The following CSGALNACT1 variants were observed in gnomAD, a reference collection of about 807,000 sequenced individuals.
CSGALNACT1 encodes the protein beta4GalNAcT-1.
Under a neutral mutation model 51.0 loss-of-function variants are expected in CSGALNACT1, and 52 were observed. That is an observed-to-expected ratio of 1.02 (90% CI 0.82 to 1.29). The LOEUF (loss-of-function observed/expected upper bound fraction) is 1.29. CSGALNACT1 is among the 50% of genes most tolerant of loss of function. The probability of loss-of-function intolerance (pLI) is 0.00; values close to 1 mark genes in which losing one functional copy is unlikely to be tolerated. For missense variants in CSGALNACT1, 935 were observed against 679.2 expected (o/e 1.38, Z -4.19); for synonymous variants, 341 against 254.4 (o/e 1.34, Z -3.24).
chr8:19,596,129 G>A (rs985252085), intron 2 of CSGALNACT1, among the ~76,000 whole-genome samples: 1 of 152,068 alleles, frequency 6.6e-6, no homozygotes, highest in Non-Finnish European at 1.5e-5. Context: ...TGGCCTTCCA[G>A]AGTGTTGAGA....
At chr8:19,546,498 C>T (rs1021049849) in intron 3 of CSGALNACT1, among the ~76,000 whole-genome samples, 15 of 152,120 alleles carry the variant, frequency 9.9e-5, no homozygotes, top group African/African-American at 3.4e-4. Context: ...AGGGAAGTAT[C>T]ACTAAGAATT....
At chr8:19,620,741 T>A (rs2053714555) in intron 1 of CSGALNACT1, among the ~76,000 whole-genome samples, 1 of 152,222 alleles carries the variant, frequency 6.6e-6, no homozygotes, top group South Asian at 2.1e-4. Flanking sequence ...ACCCCTTTTT[T>A]AAATTTTAAA....
intron 1 of CSGALNACT1, among the ~76,000 whole-genome samples, chr8:19,681,060 C>T (rs1050387479): frequency 3.9e-5 from 6 of 152,100 alleles, no homozygotes; most frequent in Non-Finnish European, 1.5e-5. Flanking sequence ...GGGACTTGGG[C>T]ATCCAGATTT....
At chr8:19,638,609 C>A (rs557948160) in intron 1 of CSGALNACT1, among the ~76,000 whole-genome samples, 2 of 151,884 alleles carry the variant, frequency 1.3e-5, no homozygotes, top group African/African-American at 4.8e-5. Context: ...TAAATAAAAT[C>A]GAAATGCACA....
At chr8:19,754,985 T>G (rs1407817244) in intron 1 of CSGALNACT1, among the ~76,000 whole-genome samples, 1 of 152,194 alleles carries the variant, frequency 6.6e-6, no homozygotes, top group East Asian at 1.9e-4. Flanking sequence ...TCAAGGTCCT[T>G]TCATCAGGAA....
At position 19,632,429 on chromosome 8, in the gene CSGALNACT1, C is replaced by A. The variant is rs1424359896; in HGVS notation, c.-543-30564G>T. ...GTCCATAATTAGGTGGCAAAGATGC[C>A]TAGAAAGTCTTCCAAACCAAATGGC... On this transcript the variant is annotated intron_variant, in intron 1 of 9. Transcript: ENST00000332246. Among the ~76,000 whole-genome samples the A allele has an allele frequency of 3.3e-5, 5 of 152,348 alleles. No homozygotes were observed. The East Asian group carries it at 9.6e-4, about 29-fold the overall frequency.
chr8:19,457,852 G>T, intron 5 of CSGALNACT1: 2 of 1,324,912 alleles, frequency 1.5e-6, no homozygotes, highest in Non-Finnish European at 1.0e-6. Flanking sequence ...TCATTGAGTA[G>T]CTACAAAAAT....
intron 3 of CSGALNACT1, among the ~76,000 whole-genome samples, chr8:19,577,388 G>A (rs1393873214): frequency 1.1e-4 from 15 of 135,736 alleles, no homozygotes; most frequent in Admixed American, 4.2e-4. Context: ...AACGAAGCCC[G>A]ACCCCACCTC....
At position 19,666,879 on chromosome 8, in the gene CSGALNACT1, A is replaced by G. The variant is rs1240728509; in HGVS notation, c.-544+15594T>C. Among the ~76,000 whole-genome samples the G allele has an allele frequency of 8.2e-4, 92 of 112,280 alleles. 1 individual carries two copies. The highest frequency in any genetic ancestry group is 1.5e-3 in the African/African-American group (39 of 26,838). 73.7% of individuals were successfully genotyped at this position (112,280 alleles called of 152,430 possible). On this transcript the variant is annotated intron_variant, in intron 1 of 9. Coordinates refer to the CSGALNACT1 transcript ENST00000332246. ...AAAGAAAGAAAGAAAGAAAGAAAGA[A>G]AGAAAGAGAGAGAGGAAGTGAGGAA...
In CSGALNACT1 at chr8:19,472,322, A is replaced by T. The variant is rs1045838726; in HGVS notation, c.635-13680T>A. Among the ~76,000 whole-genome samples the T allele has an allele frequency of 1.1e-4, 16 of 152,292 alleles. No individual in the cohort carries two copies. The East Asian group carries it at 3.1e-3, about 29-fold the overall frequency. On this transcript the variant is annotated intron_variant, in intron 4 of 9. Coordinates refer to ENST00000454498, the Ensembl canonical transcript of CSGALNACT1. ...ATACAGGCAGAAGCAATAAGCAGGA[A>T]CCAAAAGGTCAAAGACCAAGGAATG...
intron 4 of CSGALNACT1, among the ~76,000 whole-genome samples, chr8:19,467,515 A>C (rs1025070643): frequency 3.9e-5 from 6 of 152,142 alleles, no homozygotes; most frequent in Non-Finnish European, 8.8e-5. Flanking sequence ...GGCAATCAAC[A>C]ATGAGTAGAA....
chr8:19,499,063 C>A (rs1259694648), intron 4 of CSGALNACT1, among the ~76,000 whole-genome samples: 1 of 152,154 alleles, frequency 6.6e-6, no homozygotes. Context: ...TACAATGAGC[C>A]ATGATCGTGC....
In CSGALNACT1 at chr8:19,742,997, T is replaced by C. The variant is rs538642466; in HGVS notation, c.-297+14853A>G. Among the ~76,000 whole-genome samples, 30 of 152,348 alleles carry C rather than the reference T, an allele frequency of 2.0e-4. No homozygotes were observed. In the South Asian group the frequency reaches 6.0e-3, roughly 31 times the overall value. On this transcript the variant is annotated intron_variant, in intron 1 of 1. Transcript: ENST00000517494. ...TGATCTATACATTCCCTTCCCTTGT[T>C]TGATCTTTATTTCCCTGTTTTCATT...
intron 4 of CSGALNACT1, among the ~76,000 whole-genome samples, chr8:19,476,848 G>C (rs1164557743): frequency 2.0e-5 from 3 of 152,158 alleles, no homozygotes; most frequent in South Asian, 2.1e-4. Flanking sequence ...GAGTGAGCAA[G>C]CCTTCAGATG....
chr8:19,439,323 AC>A (rs1366798720), intron 6 of CSGALNACT1, among the ~76,000 whole-genome samples: 2 of 152,238 alleles, frequency 1.3e-5, no homozygotes, highest in African/African-American at 4.8e-5. Context: ...TGCCTTGGCC[AC>A]CACGTCTGGT....
intron 1 of CSGALNACT1, among the ~76,000 whole-genome samples, chr8:19,707,954 G>A (rs1231069786): frequency 6.6e-6 from 1 of 152,206 alleles, no homozygotes; most frequent in Non-Finnish European, 1.5e-5. Flanking sequence ...GTTGCAGTGA[G>A]CTGAGATGGC....
At chr8:19,518,600 C>T (rs569500894) in intron 3 of CSGALNACT1, among the ~76,000 whole-genome samples, 1 of 152,354 alleles carries the variant, frequency 6.6e-6, no homozygotes, top group Non-Finnish European at 1.5e-5. Flanking sequence ...TGCTCTGAGA[C>T]TCCTTTCTCT....
At chr8:19,573,685 C>T (rs1295437391) in intron 3 of CSGALNACT1, among the ~76,000 whole-genome samples, 1 of 152,136 alleles carries the variant, frequency 6.6e-6, no homozygotes, top group Non-Finnish European at 1.5e-5. Context: ...CTCAAGTGCT[C>T]TGCCCACCTC....
chr8:19,712,885 C>G (rs1335284997), intron 1 of CSGALNACT1, among the ~76,000 whole-genome samples: 1 of 152,184 alleles, frequency 6.6e-6, no homozygotes, highest in Non-Finnish European at 1.5e-5. Flanking sequence ...AAACAATGAA[C>G]CCAATCCTGA....
Sources: allele counts gnomAD v4.1 joint callset (sites outside exome capture counted in the v4.1 genomes callset), GRCh38; gene constraint gnomAD v4.1.1; transcripts MANE v1.5; gene names NCBI Gene and HGNC (gene_info 2026-07-23, HGNC 2026-07-21).